Variants in GNE observed in about 807,000 individuals in gnomAD.
GNE encodes the protein glucosamine (UDP-N-acetyl)-2-epimerase/N-acetylmannosamine kinase, also known as bifunctional UDP-N-acetylglucosamine 2-epimerase/N-acetylmannosamine kinase.
In GNE, 41 loss-of-function variants were observed where a neutral mutation model predicts 61.8. The observed-to-expected ratio is 0.66, with a 90% CI of 0.52 to 0.86. The LOEUF (loss-of-function observed/expected upper bound fraction) is 0.86. Ranked by LOEUF, GNE falls within the 40% of genes least tolerant of loss-of-function variation. GNE has a pLI of 0.00. For missense variants in GNE, 608 were observed against 909.1 expected, an observed-to-expected ratio of 0.67 and a Z score of 4.26; for synonymous variants, 264 against 326.4, an observed-to-expected ratio of 0.81 and a Z score of 2.06.
chr9:36,274,257 G>A (rs773135292), intron 1 of GNE, among the ~76,000 whole-genome samples: 4 of 151,902 alleles, frequency 2.6e-5, no homozygotes, highest in Non-Finnish European at 5.9e-5. Flanking sequence ...CACCATGTCC[G>A]GCTAATATTT....
intron 3 of GNE, among the ~76,000 whole-genome samples, chr9:36,238,650 C>G (rs1247224893): frequency 6.6e-6 from 1 of 152,082 alleles, no homozygotes; most frequent in Non-Finnish European, 1.5e-5. Flanking sequence ...AGTCTTTTGT[C>G]AGATGTATAG....
chr9:36,263,325 C>T (rs567055132), upstream of GNE: 146 of 228,520 alleles, frequency 6.4e-4, 1 homozygote, highest in Non-Finnish European at 1.7e-4. Context: ...CATGTGTCAC[C>T]GCGCCCGGCT....
rs758960982 is a variant in GNE at position 36,218,311 on chromosome 9, G to A, written c.1817-12C>T. 1.3e-6 allele frequency: 2 copies of A among 1,595,288 alleles called. No individual in the cohort carries two copies. Among genetic ancestry groups the A allele is most frequent in the African/African-American group, 2.7e-5 (2 of 74,670 alleles). Reference sequence around the variant, plus strand: ...CAAGAGCAGGTCCTCTGAACAGAGTGAGAAGGAAAAGCAGTCACTAATGAG... The same window carrying A: ...CAAGAGCAGGTCCTCTGAACAGAGTAAGAAGGAAAAGCAGTCACTAATGAG... On this transcript the variant is annotated splice_polypyrimidine_tract_variant and intron_variant, in intron 10 of 11. Coordinates refer to ENST00000642385, the MANE Select transcript of GNE (RefSeq NM_005476.7). The surrounding 1 kb of genome is among the most constrained non-coding windows in gnomAD (Gnocchi z 4.1).
chr9:36,253,056 G>C (rs1830173780), intron 1 of GNE, among the ~76,000 whole-genome samples: 2 of 152,176 alleles, frequency 1.3e-5, no homozygotes, highest in East Asian at 3.9e-4. Context: ...CAGCTACTTG[G>C]GAGGCTGAGG....
At chr9:36,271,691 T>C (rs1831033748) in intron 1 of GNE, among the ~76,000 whole-genome samples, 1 of 152,182 alleles carries the variant, frequency 6.6e-6, no homozygotes, top group African/African-American at 2.4e-5. Flanking sequence ...TATTATTAGT[T>C]ATACTTATGA....
At chr9:36,232,823 C>T (rs540960207) in intron 5 of GNE, among the ~76,000 whole-genome samples, 1 of 152,350 alleles carries the variant, frequency 6.6e-6, no homozygotes, top group South Asian at 2.1e-4. Flanking sequence ...GAGCCCAGCT[C>T]TTCTTGGTCT....
chr9:36,224,163 C>T lies in GNE; in HGVS notation c.1282-661G>A, dbSNP rs1386164260. 2.0e-5 allele frequency among the ~76,000 whole-genome samples: 3 copies of T among 151,754 alleles called. No individual in the cohort carries two copies. The East Asian group carries it at 5.9e-4, about 30-fold the overall frequency. On this transcript the variant is annotated intron_variant, in intron 7 of 11. Coordinates refer to ENST00000642385, the MANE Select transcript of GNE (RefSeq NM_005476.7). ...AAACTTTCTTGCTTACTGAGGTGAC[C>T]GGGCATAGTGGCTCACGCCTGTAAT...
chr9:36,215,307 C>G lies in GNE; in HGVS notation c.*2058G>C, dbSNP rs1414428562. 2.6e-5 allele frequency: 4 copies of G among 151,918 alleles called. No homozygotes were observed. In the East Asian group the frequency reaches 7.7e-4, roughly 29 times the overall value. The allele number at this position is 151,918 out of a possible 1,614,324, so 9.4% of individuals were successfully genotyped here. A position where few individuals can be genotyped will look rare whatever the true frequency, so the allele number is the denominator to read the frequency against. On this transcript the variant is annotated 3_prime_UTR_variant, in exon 12 of 12. Transcript: ENST00000642385. The stretch of plus-strand genomic sequence containing the variant: ...TCCAGCCTGGGTGACAGAGTGAGAC[C>G]CGTCTCAAAAAAATAGAACACCTGT...
intron 3 of GNE, among the ~76,000 whole-genome samples, chr9:36,240,752 T>G (rs547616124): frequency 6.6e-6 from 1 of 152,338 alleles, no homozygotes; most frequent in South Asian, 2.1e-4. Flanking sequence ...GAATGTCTGG[T>G]AGAATTCTGC....
chr9:36,230,513 G>A (rs1466255821), intron 5 of GNE, among the ~76,000 whole-genome samples: 6 of 151,744 alleles, frequency 4.0e-5, no homozygotes, highest in Admixed American at 6.6e-5. Context: ...TGGCTGGAGT[G>A]TAGTGGCACG....
Position 36,227,321 on chromosome 9 carries a change from A to G in GNE, c.1208T>C (p.Ile403Thr), listed in dbSNP as rs1361603985. Residue 403 changes from isoleucine to threonine, a missense_variant, in exon 7 of 12, where the codon ATT becomes ACT. Transcript: ENST00000642385. Reference protein sequence around the residue: ...KENISQDIDHILETLSALAVD... With the variant: ...KENISQDIDHTLETLSALAVD... The stretch of plus-strand genomic sequence containing the variant: ...GGCCAAGGCACTTAGAGTTTCAAGA[A>G]TATGGTCAATATCTTGAGAGATATT... 1.9e-6 allele frequency: 3 copies of G among 1,612,560 alleles called. No homozygotes were observed. Among genetic ancestry groups the G allele is most frequent in the Admixed American group, 1.7e-5 (1 of 60,004 alleles).
At chr9:36,258,190 T>C (rs1178680396) in intron 1 of GNE, 131 bp downstream of exon 1, 10 of 341,012 alleles carry the variant, frequency 2.9e-5, no homozygotes, top group Non-Finnish European at 4.1e-5. Flanking sequence ...CCGGGTCCAG[T>C]GTGGGCCTCG....
chr9:36,229,831 C>A (rs550695641), intron 5 of GNE, among the ~76,000 whole-genome samples: 2 of 152,038 alleles, frequency 1.3e-5, no homozygotes, highest in Non-Finnish European at 2.9e-5. Context: ...ATGCCCACAC[C>A]CTGCTATAAA....
intron 7 of GNE, among the ~76,000 whole-genome samples, chr9:36,226,464 G>A (rs571774021): frequency 1.5e-4 from 23 of 152,230 alleles, no homozygotes; most frequent in Non-Finnish European, 2.6e-4. Flanking sequence ...GATTACAGGC[G>A]TAAGCCACTG....
chr9:36,235,064 T>A (rs1829335277), intron 4 of GNE, among the ~76,000 whole-genome samples: 1 of 152,182 alleles, frequency 6.6e-6, no homozygotes, highest in South Asian at 2.1e-4. Context: ...ATATTTGTTA[T>A]TCTGTAATAC....
At chr9:36,233,404 C>T (rs993471768) in intron 5 of GNE, among the ~76,000 whole-genome samples, 2 of 152,192 alleles carry the variant, frequency 1.3e-5, no homozygotes, top group Non-Finnish European at 2.9e-5. Context: ...CGGTGGCTCA[C>T]GCCTGTAATC....
intron 1 of GNE, among the ~76,000 whole-genome samples, chr9:36,256,760 C>G (rs1830367436): frequency 6.6e-6 from 1 of 152,152 alleles, no homozygotes; most frequent in Admixed American, 6.5e-5. Flanking sequence ...CAACAGTAAA[C>G]ATTTGCTGAG....
In GNE at chr9:36,218,982, CAATCTGCCTCCTACT is replaced by C. The variant is rs1343492830; in HGVS notation, c.1817-698_1817-684del. On this transcript the variant is annotated intron_variant, in intron 10 of 11. Transcript: ENST00000642385. The surrounding 1 kb of genome is among the most constrained non-coding windows in gnomAD (Gnocchi z 4.1). ...TCTTCTGCCCGTCACCAACTCAGATCAATCTGCCTCCTACTAATCTGCTAGAATATCTGGACCCTG... is the reference window on the plus strand; with the variant it reads ...TCTTCTGCCCGTCACCAACTCAGATCAATCTGCTAGAATATCTGGACCCTG... 2.6e-5 allele frequency among the ~76,000 whole-genome samples: 4 copies of C among 152,188 alleles called. No individual in the cohort carries two copies. Among genetic ancestry groups the C allele is most frequent in the Non-Finnish European group, 5.9e-5 (4 of 68,034 alleles).
Position 36,236,875 on chromosome 9 carries a change from T to C in GNE, c.726A>G (p.Ser242=), listed in dbSNP as rs763368889. Residue 242 remains serine (S), a synonymous_variant, in exon 4 of 12, where the codon TCA becomes TCG. Transcript: ENST00000642385. ...MFELTLDALI[S]FNKRTLVLFP... The stretch of plus-strand genomic sequence containing the variant: ...ACAGGACTAGGGTCCGCTTGTTAAA[T>C]GAGATAAGTGCATCCAATGTTAATT... 83 of 1,611,592 alleles carry C rather than the reference T, an allele frequency of 5.2e-5. No individual in the cohort carries two copies. Among genetic ancestry groups the C allele is most frequent in the Non-Finnish European group, 6.8e-5 (80 of 1,177,772 alleles).
Sources: gnomAD v4.1 joint callset for allele counts (sites outside exome capture counted in the v4.1 genomes callset) on GRCh38, gnomAD v4.1.1 for gene constraint, Gnocchi (gnomAD v3.1) non-coding constraint, MANE v1.5 for transcripts, NCBI Gene and HGNC (gene_info 2026-07-23, HGNC 2026-07-21) for gene names.